Variants in CELA3B observed in about 807,000 individuals in gnomAD.
CELA3B encodes the protein chymotrypsin-like elastase family member 3B.
A neutral mutation model predicts 37.2 loss-of-function variants in CELA3B; 34 were observed. The ratio of observed to expected loss-of-function variants is 0.91; its 90% CI spans 0.70 to 1.22. The LOEUF is 1.22. Ranked by LOEUF, CELA3B falls within the 50% of genes most tolerant of loss-of-function variation. The pLI is 0.00. For missense variants in CELA3B, 340 were observed against 363.1 expected, an observed-to-expected ratio of 0.94 and a Z score of 0.52; for synonymous variants, 127 against 143.5, an observed-to-expected ratio of 0.89 and a Z score of 0.82.
At chr1:21,982,840 G>T (rs1370184634) in intron 4 of CELA3B, among the ~76,000 whole-genome samples, 2 of 25,428 alleles carry the variant, frequency 7.9e-5, no homozygotes, top group Admixed American at 1.1e-3. Flanking sequence ...ACCAAGCCCA[G>T]CTAATTTTTT....
chr1:21,984,515 CG>C (rs752052298), intron 6 of CELA3B, among the ~76,000 whole-genome samples, 184 bp downstream of exon 6: 1 of 151,878 alleles, frequency 6.6e-6, no homozygotes, highest in African/African-American at 2.4e-5. Context: ...TCAGGACCCC[CG>C]GGTTGCAGTC....
intron 4 of CELA3B, among the ~76,000 whole-genome samples, chr1:21,997,640 G>C (rs942581461): frequency 6.7e-6 from 1 of 149,820 alleles, no homozygotes; most frequent in South Asian, 2.1e-4. Flanking sequence ...AGTGAGCCGA[G>C]ATCTAGCCAT....
At chr1:21,986,509 C>A (rs2152816796) in intron 6 of CELA3B, 22 bp from the exon 7 acceptor site, 1 of 1,612,428 alleles carries the variant, frequency 6.2e-7, no homozygotes, top group African/African-American at 1.3e-5. Flanking sequence ...CTCAGCCACC[C>A]ACACCTCTCT....
chr1:21,985,726 C>G (rs1199038851), intron 6 of CELA3B, among the ~76,000 whole-genome samples: 2 of 151,964 alleles, frequency 1.3e-5, no homozygotes, highest in African/African-American at 4.8e-5. Context: ...CTCGTCTCTA[C>G]TAAAAATACA....
At chr1:21,984,365 GGGTGTGCA>G (rs1282801426) in intron 6 of CELA3B, 34 bp downstream of exon 6, 1 of 1,603,858 alleles carries the variant, frequency 6.2e-7, no homozygotes, top group Admixed American at 1.7e-5. Context: ...AGGTGGTGCT[GGGTGTGCA>G]GGACCTTGGA....
At chr1:21,992,661 T>C (rs1035814125), downstream of CELA3B, among the ~76,000 whole-genome samples, 5 of 151,504 alleles carry the variant, frequency 3.3e-5, no homozygotes, top group Admixed American at 2.0e-4. Flanking sequence ...CCAGTGCTTG[T>C]TGAGCTGCTA....
downstream of CELA3B, among the ~76,000 whole-genome samples, chr1:21,993,337 C>T (rs954574414): frequency 6.6e-6 from 1 of 150,526 alleles, no homozygotes; most frequent in African/African-American, 2.5e-5. Flanking sequence ...TGGCGCGTGC[C>T]TGTAATCCCA....
At chr1:21,986,434 A>T (rs556243869) in intron 6 of CELA3B, 97 bp from the exon 7 acceptor site, 3 of 1,484,940 alleles carry the variant, frequency 2.0e-6, no homozygotes, top group Admixed American at 2.3e-5. Context: ...CAGAGGAGTC[A>T]GGTAATGTCG....
chr1:21,993,272 C>T (rs1401879312), downstream of CELA3B, among the ~76,000 whole-genome samples: 2 of 150,990 alleles, frequency 1.3e-5, no homozygotes, highest in Non-Finnish European at 2.9e-5. Flanking sequence ...ACCAGACTGG[C>T]CAACATGGCG....
intron 4 of CELA3B, among the ~76,000 whole-genome samples, chr1:21,983,070 C>T (rs1303715660): frequency 1.3e-5 from 2 of 152,180 alleles, no homozygotes; most frequent in African/African-American, 4.8e-5. Flanking sequence ...TCAGCCTTGG[C>T]TGGGCGCGGT....
chr1:21,993,434 C>G (rs1163621148), downstream of CELA3B, among the ~76,000 whole-genome samples: 2 of 146,346 alleles, frequency 1.4e-5, no homozygotes, highest in Admixed American at 6.8e-5. Context: ...TGCACTCCAG[C>G]CTGCACAACA....
chr1:21,992,293 G>A (rs1644872005), downstream of CELA3B, among the ~76,000 whole-genome samples: 1 of 151,680 alleles, frequency 6.6e-6, no homozygotes, highest in South Asian at 2.1e-4. Context: ...CTCAGGAGGT[G>A]GAGACAGGAG....
intron 7 of CELA3B, among the ~76,000 whole-genome samples, chr1:21,988,607 A>G (rs1006714130): frequency 7.1e-6 from 1 of 141,268 alleles, no homozygotes; most frequent in African/African-American, 2.7e-5. Context: ...AAAAAAAAAA[A>G]AAAGCCGGGC....
intron 6 of CELA3B, among the ~76,000 whole-genome samples, chr1:21,984,676 G>T (rs1303075860): frequency 6.6e-6 from 1 of 152,196 alleles, no homozygotes; most frequent in East Asian, 1.9e-4. Context: ...GCTGGGCATG[G>T]TGGCTCATGC....
rs756144214 is a variant in CELA3B at position 21,981,099 on chromosome 1, G to A, written c.289G>A (p.Glu97Lys). 6 of 1,613,592 alleles carry A rather than the reference G, an allele frequency of 3.7e-6. No homozygotes were observed. Among genetic ancestry groups the A allele is most frequent in the Middle Eastern group, 3.6e-4 (2 of 5,594 alleles). Residue 97 changes from glutamate to lysine, a missense_variant, in exon 4 of 8, where the codon GAG becomes AAG. By Grantham distance (56) the Glu-to-Lys change is moderately conservative. Coordinates refer to ENST00000337107, the MANE Select transcript of CELA3B (RefSeq NM_007352.4). ...EYDRAVKEGP[E>K]QVIPINSGDL... ...CGACCGTGCTGTGAAGGAGGGCCCC[G>A]AGCAGGTGATCCCCATCAACTCTGG...
intron 6 of CELA3B, among the ~76,000 whole-genome samples, chr1:21,985,851 C>A (rs148835971): frequency 0.022 from 3,367 of 151,586 alleles, 128 homozygotes; most frequent in African/African-American, 0.072. Flanking sequence ...AGATCGCGCC[C>A]CTGCACTCCA....
intron 4 of CELA3B, among the ~76,000 whole-genome samples, chr1:21,997,289 A>C (rs1317823893): frequency 7.0e-6 from 1 of 142,432 alleles, no homozygotes; most frequent in Non-Finnish European, 1.5e-5. Flanking sequence ...TTAACCTGGG[A>C]GGCAGAGGTT....
chr1:21,983,745 C>A lies in CELA3B; in HGVS notation c.414C>A (p.Ala138=), dbSNP rs773977121. ...KLSRSAQLGD[A]VQLASLPPAG... ...CACGCAGCGCCCAGCTGGGAGACGC[C>A]GTCCAGCTCGCCTCACTCCCTCCGG... The change falls in exon 5 of 8, where the codon GCC becomes GCA. Residue 138 remains alanine (A), a synonymous_variant. Transcript: ENST00000337107. 4 of 1,614,014 alleles carry A rather than the reference C, an allele frequency of 2.5e-6. No individual in the cohort carries two copies. The East Asian group carries it at 6.7e-5, about 27-fold the overall frequency.
Position 21,978,311 on chromosome 1 carries a change from C to T in CELA3B, c.44-58C>T, listed in dbSNP as rs573235028. The stretch of plus-strand genomic sequence containing the variant: ...GGCACGGCTTGGACTGGGACCCTGG[C>T]CTCCTCTTTGCTTTTGGGGACCCTC... On this transcript the variant is annotated intron_variant, in intron 1 of 7. Transcript: ENST00000337107. 26 of 1,595,878 alleles carry T rather than the reference C, an allele frequency of 1.6e-5. No individual in the cohort carries two copies. In the South Asian group the frequency reaches 1.8e-4, roughly 11 times the overall value.
Sources: gnomAD v4.1 joint callset for allele counts (sites outside exome capture counted in the v4.1 genomes callset) on GRCh38, gnomAD v4.1.1 for gene constraint, MANE v1.5 for transcripts, NCBI Gene and HGNC (gene_info 2026-07-23, HGNC 2026-07-21) for gene names.